The following SSH1 variants were observed in gnomAD, a reference collection of about 807,000 sequenced individuals.
The protein encoded by SSH1 is slingshot protein phosphatase 1, also known as protein phosphatase Slingshot homolog 1.
A neutral mutation model predicts 79.7 loss-of-function variants in SSH1; 43 were observed. The observed-to-expected ratio is 0.54, with a 90% CI of 0.42 to 0.70. The LOEUF (loss-of-function observed/expected upper bound fraction) is 0.70, where lower values mean the gene tolerates loss of function less well. Ranked by LOEUF, SSH1 falls within the 30% of genes least tolerant of loss-of-function variation. The pLI is 0.00. For missense variants in SSH1, 1,206 were observed against 1,358.8 expected, an observed-to-expected ratio of 0.89 and a Z score of 1.77; for synonymous variants, 599 against 538.3, an observed-to-expected ratio of 1.11 and a Z score of -1.56.
rs865920696 is a variant in SSH1, at chr12:108,809,468, A to C, written c.536+225T>G. Among the ~76,000 whole-genome samples, 37 of 151,804 alleles carry C rather than the reference A, an allele frequency of 2.4e-4. 2 individuals are homozygous for C. Among genetic ancestry groups the C allele is most frequent in the African/African-American group, 7.5e-4 (31 of 41,324 alleles). ...CAAGACCCTGTCTCAAAAAAAAAAA[A>C]AAACGAGAAACCCCAAACCCCCCAA... On this transcript the variant is annotated intron_variant, in intron 7 of 14. Transcript: ENST00000326495.
Position 108,817,021 on chromosome 12 carries a change from T to C in SSH1, c.401+17A>G. On this transcript the variant is annotated intron_variant, in intron 5 of 14. Transcript: ENST00000326495. ...TGCCTCCCTCACAGAAGGGAACACC[T>C]AGCCCATCAGACTCACCTTTCCTTA... The C allele has an allele frequency of 6.2e-7, 1 of 1,613,610 alleles. No individual in the cohort carries two copies.
At chr12:108,811,442 G>A (rs1018904660) in intron 5 of SSH1, 114 bp from the exon 6 acceptor site, 6 of 902,450 alleles carry the variant, frequency 6.6e-6, no homozygotes, top group African/African-American at 6.6e-5. Flanking sequence ...GTGGGAGTAG[G>A]CTGTCTGCAT....
intron 2 of SSH1, among the ~76,000 whole-genome samples, chr12:108,844,888 C>T (rs1373067777): frequency 6.6e-6 from 1 of 152,084 alleles, no homozygotes; most frequent in African/African-American, 2.4e-5. Flanking sequence ...GCGGGTGGAT[C>T]ACCTGAAGTC....
chr12:108,836,900 G>A (rs1173368571), intron 2 of SSH1: 1 of 533,736 alleles, frequency 1.9e-6, no homozygotes, highest in Non-Finnish European at 3.8e-6. Context: ...CTCACACTGA[G>A]GGACACTCTG....
rs533414019 is a variant in SSH1 at position 108,788,592 on chromosome 12, C to T, written c.2546G>A (p.Ser849Asn). 1.2e-6 allele frequency: 2 copies of T among 1,604,504 alleles called. No individual in the cohort carries two copies. Among genetic ancestry groups the T allele is most frequent in the Admixed American group, 1.7e-5 (1 of 59,484 alleles). ...PAPPSRDGPA[S>N]RLEASIPEES... ...CTCGGGGATGCTGGCCTCCAGCCTG[C>T]TGGCAGGGCCATCCCTGGAGGGAGG... The change falls in exon 15 of 15, where the codon AGC becomes AAC. Residue 849 changes from serine to asparagine, a missense_variant. Coordinates refer to ENST00000326495, the MANE Select transcript of SSH1 (RefSeq NM_018984.4).
Position 108,817,070 on chromosome 12 carries a change from G to A in SSH1, c.369C>T (p.Ile123=). 6.2e-7 allele frequency: 1 copy of A among 1,614,174 alleles called. No homozygotes were observed. The highest frequency in any genetic ancestry group is 8.5e-7 in the Non-Finnish European group (1 of 1,180,000). The part of the protein sequence containing the change: ...SSGRQDTEEN[I]LLGVDFSSKE... ...TACTGGAAAAGTCCACTCCCAGCAA[G>A]ATATTCTCCTCGGTGTCCTGGCGCC... The change falls in exon 5 of 15, where the codon ATC becomes ATT. Residue 123 remains isoleucine (I), a synonymous_variant. Coordinates refer to ENST00000326495, the MANE Select transcript of SSH1 (RefSeq NM_018984.4).
intron 10 of SSH1, among the ~76,000 whole-genome samples, chr12:108,804,560 T>C (rs1469594098): frequency 6.6e-6 from 1 of 152,132 alleles, no homozygotes; most frequent in Non-Finnish European, 1.5e-5. Flanking sequence ...GAGCCGTGCA[T>C]GGAAAAGCTG....
At chr12:108,832,506 C>T (rs1388386200) in intron 2 of SSH1, among the ~76,000 whole-genome samples, 1 of 152,110 alleles carries the variant, frequency 6.6e-6, no homozygotes, top group African/African-American at 2.4e-5. Context: ...GAAAGCTAAT[C>T]AACTGACCTC....
intron 2 of SSH1, among the ~76,000 whole-genome samples, chr12:108,841,537 G>A (rs1490958254): frequency 6.6e-6 from 1 of 152,238 alleles, no homozygotes; most frequent in African/African-American, 2.4e-5. Flanking sequence ...GCCGGGTGCA[G>A]TGGCTCACGC....
chr12:108,802,716 G>C (rs184594091), intron 10 of SSH1, among the ~76,000 whole-genome samples: 1 of 152,120 alleles, frequency 6.6e-6, no homozygotes, highest in East Asian at 1.9e-4. Flanking sequence ...AATGACCTGC[G>C]ACCTCCCACC....
rs530647712 is a variant in SSH1 at position 108,780,873 on chromosome 12, G to C, written c.*7115C>G. The stretch of plus-strand genomic sequence containing the variant: ...GACCAACATGGAGAAACCCCATTTC[G>C]ATTAAAAATACAAAATTAGCCAGGC... On this transcript the variant is annotated 3_prime_UTR_variant, in exon 15 of 15. Transcript: ENST00000326495. 1 of 151,864 alleles carries C rather than the reference G, an allele frequency of 6.6e-6. No individual in the cohort carries two copies. The highest frequency in any genetic ancestry group is 1.5e-5 in the Non-Finnish European group (1 of 68,000). The allele number at this position is 151,864 out of a possible 1,614,324, so 9.4% of individuals were successfully genotyped here.
chr12:108,813,754 G>C (rs1487721908), intron 5 of SSH1, among the ~76,000 whole-genome samples: 4 of 137,666 alleles, frequency 2.9e-5, no homozygotes, highest in Admixed American at 1.4e-4. Flanking sequence ...AAGGGGAGGG[G>C]AGGGGAGGGG....
At chr12:108,832,241 G>C (rs989623659) in intron 2 of SSH1, among the ~76,000 whole-genome samples, 2 of 152,034 alleles carry the variant, frequency 1.3e-5, no homozygotes, top group African/African-American at 4.8e-5. Flanking sequence ...AGGTTGCAGT[G>C]AGCCAAGATT....
At chr12:108,831,365 A>G (rs1431873332) in intron 2 of SSH1, among the ~76,000 whole-genome samples, 1 of 152,214 alleles carries the variant, frequency 6.6e-6, no homozygotes, top group Non-Finnish European at 1.5e-5. Flanking sequence ...AGCATTCCAA[A>G]AAGGAGGCTC....
In SSH1 at chr12:108,783,233, G is replaced by T. The variant is rs1460464908; in HGVS notation, c.*4755C>A. 1 of 152,296 alleles carries T rather than the reference G, an allele frequency of 6.6e-6. No homozygotes were observed. The highest frequency in any genetic ancestry group is 1.5e-5 in the Non-Finnish European group (1 of 68,078). The allele number at this position is 152,296 out of a possible 1,614,324, so 9.4% of individuals were successfully genotyped here. On this transcript the variant is annotated 3_prime_UTR_variant, in exon 15 of 15. Coordinates refer to ENST00000326495, the MANE Select transcript of SSH1 (RefSeq NM_018984.4). ...CCTGCCTGGCCTGCAGGAACCGCCAGTGTTGTTTCTAGCAAGGCTCCTTGG... is the reference window on the plus strand; with the variant it reads ...CCTGCCTGGCCTGCAGGAACCGCCATTGTTGTTTCTAGCAAGGCTCCTTGG...
At position 108,789,069 on chromosome 12, in the gene SSH1, G is replaced by A. The variant is rs2036391369; in HGVS notation, c.2069C>T (p.Pro690Leu). ...GGACCTGCTGGCCAAGTGGGCCACA[G>A]GGGAGGACGTGATGTGGGGTAGGAA... ...PAFLPHITSS[P>L]VAHLASRSRV... The change falls in exon 15 of 15, where the codon CCT becomes CTT. Residue 690 changes from proline (P) to leucine (L), a missense_variant. By Grantham distance (98) the Pro-to-Leu change is moderately conservative. Around this residue, in one of 5 missense-constraint regions of SSH1, gnomAD observed 709 missense variants for 730.6 expected, o/e 0.97. Coordinates refer to ENST00000326495, the MANE Select transcript of SSH1 (RefSeq NM_018984.4). 6.2e-7 allele frequency: 1 copy of A among 1,612,700 alleles called. No individual in the cohort carries two copies.
At chr12:108,794,241 G>A (rs983392641) in intron 13 of SSH1, among the ~76,000 whole-genome samples, 7 of 152,220 alleles carry the variant, frequency 4.6e-5, no homozygotes, top group East Asian at 1.9e-4. Context: ...AAAGGGAACC[G>A]GGAGAAAGTG....
chr12:108,794,737 A>G (rs540659595), intron 13 of SSH1, among the ~76,000 whole-genome samples: 2 of 152,096 alleles, frequency 1.3e-5, no homozygotes, highest in Non-Finnish European at 2.9e-5. Flanking sequence ...ATGAAAAGCT[A>G]CACACCTCCC....
At chr12:108,811,150 C>T (rs895409758) in intron 6 of SSH1, 110 bp downstream of exon 6, 11 of 1,007,152 alleles carry the variant, frequency 1.1e-5, no homozygotes, top group South Asian at 2.6e-5. Context: ...GTGACACTCC[C>T]GCCACACGTG....
Sources: gnomAD v4.1 joint callset for allele counts (sites outside exome capture counted in the v4.1 genomes callset) on GRCh38, gnomAD v4.1.1 for gene constraint, gnomAD v4.1.1 regional missense constraint, MANE v1.5 for transcripts, NCBI Gene and HGNC (gene_info 2026-07-23, HGNC 2026-07-21) for gene names.